PCBP3: variants seen among roughly 807,000 people sequenced by gnomAD.
PCBP3 encodes poly(rC) binding protein 3, also known as poly(rC)-binding protein 3.
Under a neutral mutation model 52.7 loss-of-function variants are expected in PCBP3, and 25 were observed. The ratio of observed to expected loss-of-function variants is 0.47; its 90% CI spans 0.35 to 0.66. PCBP3 has a LOEUF of 0.66. Ranked by LOEUF, PCBP3 falls within the 30% of genes least tolerant of loss-of-function variation. The pLI is 0.01. For synonymous variants in PCBP3, 162 were observed against 183.0 expected, an observed-to-expected ratio of 0.89 and a Z score of 0.93; for missense variants, 391 against 490.3, an observed-to-expected ratio of 0.80 and a Z score of 1.91.
At chr21:45,886,725 A>G (rs1226048126) in intron 5 of PCBP3, among the ~76,000 whole-genome samples, 3 of 152,170 alleles carry the variant, frequency 2.0e-5, no homozygotes, top group Non-Finnish European at 4.4e-5. Flanking sequence ...AGGCCTGTGC[A>G]GAAACCTCCC....
chr21:45,720,756 G>A (rs930929264), intron 2 of PCBP3, among the ~76,000 whole-genome samples: 1 of 152,164 alleles, frequency 6.6e-6, no homozygotes, highest in East Asian at 1.9e-4. Context: ...TGCAGATAAC[G>A]TCCAGCAGCT....
intron 1 of PCBP3, among the ~76,000 whole-genome samples, chr21:45,646,105 CTCTGTGTGTGTGTGTGTGTGTG>C (rs2079283554): frequency 1.1e-5 from 1 of 92,906 alleles, no homozygotes; most frequent in Admixed American, 1.2e-4. Context: ...CTCTCTCTCT[CTCTGTGTGTGTGTGTGTGTGTG>C]TGTGTGTGTG....
intron 16 of PCBP3, among the ~76,000 whole-genome samples, chr21:45,937,942 C>T (rs1412924419): frequency 6.6e-6 from 1 of 152,258 alleles, no homozygotes; most frequent in Non-Finnish European, 1.5e-5. Flanking sequence ...CATTCAGACC[C>T]CACAGCTGTG....
chr21:45,904,402 C>T lies in PCBP3; in HGVS notation c.339+3289C>T, dbSNP rs1195847264. On this transcript the variant is annotated intron_variant, in intron 9 of 17. Coordinates refer to ENST00000681687, the MANE Select transcript of PCBP3 (RefSeq NM_001384156.1). The surrounding 1 kb of genome is among the most constrained non-coding windows in gnomAD (Gnocchi z 4.8). Reference sequence around the variant, plus strand: ...GGATTTGGAGTTTTCATCTTTTGGTCCTTTGGTTTTTCCAGAAGACTGTGG... The same window carrying T: ...GGATTTGGAGTTTTCATCTTTTGGTTCTTTGGTTTTTCCAGAAGACTGTGG... 6.6e-6 allele frequency among the ~76,000 whole-genome samples: 1 copy of T among 151,950 alleles called. No individual in the cohort carries two copies. Among genetic ancestry groups the T allele is most frequent in the Non-Finnish European group, 1.5e-5 (1 of 68,016 alleles).
chr21:45,662,166 T>C lies in PCBP3; in HGVS notation c.-278-6708T>C, dbSNP rs138268496. ...AAGTCCCATTTGTCTATTTTTGTTA[T>C]TGTTGATCTCGGTTCACTGCAGCCT... On this transcript the variant is annotated intron_variant, in intron 1 of 17. Transcript: ENST00000681687. Among the ~76,000 whole-genome samples, 238 of 150,084 alleles carry C rather than the reference T, an allele frequency of 1.6e-3. 2 individuals carry two copies. The highest frequency in any genetic ancestry group is 5.6e-3 in the African/African-American group (229 of 40,712).
chr21:45,677,773 G>A (rs1032483711), intron 2 of PCBP3, among the ~76,000 whole-genome samples: 11 of 152,166 alleles, frequency 7.2e-5, no homozygotes, highest in African/African-American at 2.7e-4. Context: ...AATCTACTCG[G>A]CCTGTGCTCT....
chr21:45,659,157 TTTTC>T (rs1399286220), intron 1 of PCBP3, among the ~76,000 whole-genome samples: 2 of 151,858 alleles, frequency 1.3e-5, no homozygotes, highest in Non-Finnish European at 2.9e-5. Context: ...ATATTTGTTT[TTTTC>T]TTTCTTCCAC....
intron 1 of PCBP3, among the ~76,000 whole-genome samples, chr21:45,649,196 A>C (rs549644065): frequency 2.6e-5 from 4 of 152,274 alleles, no homozygotes; most frequent in African/African-American, 7.2e-5. Flanking sequence ...GAAGAGAGAG[A>C]GCTTGTGCAG....
At chr21:45,745,489 T>C (rs1372464504) in intron 3 of PCBP3, among the ~76,000 whole-genome samples, 1 of 152,208 alleles carries the variant, frequency 6.6e-6, no homozygotes, top group Non-Finnish European at 1.5e-5. Flanking sequence ...TATGTTGTCA[T>C]GACTGCAGAG....
chr21:45,678,095 A>G (rs544923077), intron 2 of PCBP3, among the ~76,000 whole-genome samples: 9 of 152,144 alleles, frequency 5.9e-5, no homozygotes, highest in Non-Finnish European at 1.3e-4. Context: ...TAATCCCAGC[A>G]CTTTGGGAGG....
At chr21:45,856,141 T>C (rs1267491899) in intron 5 of PCBP3, among the ~76,000 whole-genome samples, 1 of 152,210 alleles carries the variant, frequency 6.6e-6, no homozygotes, top group Non-Finnish European at 1.5e-5. Context: ...ACTGGATCTT[T>C]CCCCTTCCAG....
chr21:45,692,576 G>A (rs988137344), intron 2 of PCBP3, among the ~76,000 whole-genome samples: 1 of 152,080 alleles, frequency 6.6e-6, no homozygotes, highest in Non-Finnish European at 1.5e-5. Context: ...TCAAAACAAC[G>A]AAGCAATTAA....
At chr21:45,900,855 G>A in intron 8 of PCBP3, 142 bp from the exon 9 acceptor site, 1 of 719,740 alleles carries the variant, frequency 1.4e-6, no homozygotes, top group Non-Finnish European at 2.5e-6. Flanking sequence ...AGATTGTTGA[G>A]AAGCATTTTA....
At chr21:45,793,756 A>AAT (rs2091763261) in intron 4 of PCBP3, among the ~76,000 whole-genome samples, 1 of 152,214 alleles carries the variant, frequency 6.6e-6, no homozygotes, top group Admixed American at 6.5e-5. Context: ...ACTGTACTCT[A>AAT]GATTTAATTA....
chr21:45,781,006 G>A (rs1166657012), intron 4 of PCBP3, among the ~76,000 whole-genome samples: 1 of 152,148 alleles, frequency 6.6e-6, no homozygotes, highest in African/African-American at 2.4e-5. Context: ...CAAGTAGGTT[G>A]TGTCTAGCTG....
intron 2 of PCBP3, among the ~76,000 whole-genome samples, chr21:45,710,815 T>G (rs531402081): frequency 3.3e-5 from 5 of 152,346 alleles, no homozygotes; most frequent in African/African-American, 1.2e-4. Flanking sequence ...GCTCTCACAC[T>G]TATTTATTTT....
intron 4 of PCBP3, among the ~76,000 whole-genome samples, chr21:45,759,411 C>T (rs930197675): frequency 5.3e-5 from 8 of 152,076 alleles, no homozygotes; most frequent in Non-Finnish European, 7.4e-5. Context: ...GAACAGCTTC[C>T]GCTAACATTC....
At chr21:45,936,720 G>C (rs886419781) in intron 16 of PCBP3, among the ~76,000 whole-genome samples, 1 of 152,230 alleles carries the variant, frequency 6.6e-6, no homozygotes, top group African/African-American at 2.4e-5. Context: ...ACTAACACCA[G>C]GTTTGGTGCT....
chr21:45,878,230 T>C (rs1264573120), intron 5 of PCBP3, among the ~76,000 whole-genome samples: 1 of 152,194 alleles, frequency 6.6e-6, no homozygotes, highest in East Asian at 1.9e-4. Context: ...AGAGGACCTG[T>C]GGTCTCAGAG....
Sources: allele counts gnomAD v4.1 joint callset (sites outside exome capture counted in the v4.1 genomes callset), GRCh38; gene constraint gnomAD v4.1.1; non-coding constraint Gnocchi (gnomAD v3.1); transcripts MANE v1.5; gene names NCBI Gene and HGNC (gene_info 2026-07-23, HGNC 2026-07-21).